Variants in PLEKHD1 observed in about 807,000 individuals in gnomAD.
PLEKHD1 encodes pleckstrin homology and coiled-coil domain containing D1.
In PLEKHD1, 51 loss-of-function variants were observed where a neutral mutation model predicts 69.2. The observed-to-expected ratio is 0.74, with a 90% CI of 0.59 to 0.93. The LOEUF (loss-of-function observed/expected upper bound fraction) is 0.93, where lower values mean the gene tolerates loss of function less well. PLEKHD1 is among the 40% of genes least tolerant of loss of function. The pLI, the probability that PLEKHD1 is intolerant of heterozygous loss-of-function variation, is 0.00. For missense variants in PLEKHD1, 584 were observed against 641.0 expected (o/e 0.91, Z 0.96); for synonymous variants, 236 against 244.7 (o/e 0.96, Z 0.33).
intron 1 of PLEKHD1, among the ~76,000 whole-genome samples, chr14:69,492,600 T>C (rs76943409): frequency 0.1 from 15,771 of 152,176 alleles, 1,087 homozygotes; most frequent in East Asian, 0.14. Context: ...CTATCCTAGC[T>C]CCCCCATTCC....
At chr14:69,490,278 A>G (rs949112489) in intron 1 of PLEKHD1, among the ~76,000 whole-genome samples, 1 of 152,224 alleles carries the variant, frequency 6.6e-6, no homozygotes, top group African/African-American at 2.4e-5. Context: ...ATCAGGCATT[A>G]GATTCTCATA....
chr14:69,468,227 A>C, the PLEKHD1 span, among the ~76,000 whole-genome samples: 1 of 151,734 alleles, frequency 6.6e-6, no homozygotes, highest in Non-Finnish European at 1.5e-5. Context: ...ATAACAGATT[A>C]GTTAAATTAT....
At chr14:69,503,691 A>G (rs1245896137) in intron 6 of PLEKHD1, 1 of 90,018 alleles carries the variant, frequency 1.1e-5, no homozygotes, top group Non-Finnish European at 2.0e-5. Context: ...ACTCCGTCTC[A>G]AAAAAAAAAA....
At chr14:69,501,699 T>C in intron 4 of PLEKHD1, 35 bp from the exon 5 acceptor site, 1 of 1,462,318 alleles carries the variant, frequency 6.8e-7, no homozygotes, top group South Asian at 1.2e-5. Context: ...TTTCTTCCTC[T>C]TCTCTCCTCT....
rs374998372 is a variant in PLEKHD1 at position 69,531,211 on chromosome 14, TTAAA to T, written c.*2794_*2797del. 267 of 152,476 alleles carry T rather than the reference TTAAA, an allele frequency of 1.8e-3. 1 individual carries two copies. Among genetic ancestry groups the T allele is most frequent in the African/African-American group, 6.2e-3 (258 of 41,566 alleles). The allele number at this position is 152,476 out of a possible 1,614,324, so 9.4% of individuals were successfully genotyped here. Reference sequence around the variant, plus strand: ...ATCCTGCAAACTACTGGGATAGTAATTAAATTTCAGTGTGAGTTTGGGAGGGAAC... The same window carrying T: ...ATCCTGCAAACTACTGGGATAGTAATTTTCAGTGTGAGTTTGGGAGGGAAC... On this transcript the variant is annotated 3_prime_UTR_variant, in exon 13 of 13. Coordinates refer to ENST00000322564, the MANE Select transcript of PLEKHD1 (RefSeq NM_001161498.2).
the PLEKHD1 span, among the ~76,000 whole-genome samples, chr14:69,477,842 G>A: frequency 6.6e-6 from 1 of 152,228 alleles, no homozygotes; most frequent in Admixed American, 6.5e-5. Context: ...TTCACTGGCT[G>A]GTGTTGAGTA....
chr14:69,502,889 C>T lies in PLEKHD1; in HGVS notation c.555+10C>T. 6.4e-7 allele frequency: 1 copy of T among 1,551,644 alleles called. No homozygotes were observed. Among genetic ancestry groups the T allele is most frequent in the Non-Finnish European group, 8.7e-7 (1 of 1,146,938 alleles). On this transcript the variant is annotated intron_variant, in intron 6 of 12. Transcript: ENST00000322564. ...GAGGGAGCAGAGAGAGGTAGGTGCA[C>T]ACCAAGGGGCTCTCAGCAGCCGTGG...
chr14:69,467,800 G>A, the PLEKHD1 span, among the ~76,000 whole-genome samples: 1 of 152,170 alleles, frequency 6.6e-6, no homozygotes, highest in Non-Finnish European at 1.5e-5. Flanking sequence ...GGGAGATGGA[G>A]TTTCAGGTGA....
Position 69,526,124 on chromosome 14 carries a change from T to C in PLEKHD1, c.923+2T>C, listed in dbSNP as rs1309351737. 6.5e-7 allele frequency: 1 copy of C among 1,548,586 alleles called. No individual in the cohort carries two copies. The highest frequency in any genetic ancestry group is 2.0e-5 in the Admixed American group (1 of 50,280). ...GGAGAAGCTCCTGGCAGAGAAGCGGTGAGGGAGCCCCGACCCCTGAAGACA... is the reference window on the plus strand; with the variant it reads ...GGAGAAGCTCCTGGCAGAGAAGCGGCGAGGGAGCCCCGACCCCTGAAGACA... On this transcript the variant is annotated splice_donor_variant, in intron 9 of 12. Coordinates refer to ENST00000322564, the MANE Select transcript of PLEKHD1 (RefSeq NM_001161498.2). LOFTEE classifies it high-confidence loss of function.
At chr14:69,521,845 GC>G (rs1193463151) in intron 6 of PLEKHD1, among the ~76,000 whole-genome samples, 2 of 152,130 alleles carry the variant, frequency 1.3e-5, no homozygotes, top group Non-Finnish European at 1.5e-5. Context: ...GTTGGGAATA[GC>G]TTTTCCTTGC....
chr14:69,514,016 T>C (rs573020537), intron 6 of PLEKHD1, among the ~76,000 whole-genome samples: 7 of 152,308 alleles, frequency 4.6e-5, no homozygotes, highest in Non-Finnish European at 2.9e-5. Context: ...AAGATATTTT[T>C]CCTCATCTTT....
Position 69,527,238 on chromosome 14 carries a change from A to T in PLEKHD1, c.1107A>T (p.Glu369Asp), listed in dbSNP as rs1883674862. ...TGGAGAGGCGTCTCCGGGAGGCAGAAGGGGCCTTGCGAAGCCTGGAACAGG... is the reference window on the plus strand; with the variant it reads ...TGGAGAGGCGTCTCCGGGAGGCAGATGGGGCCTTGCGAAGCCTGGAACAGG... ...MDLERRLREA[E>D]GALRSLEQGL... The change falls in exon 11 of 13, where the codon GAA (glutamate) becomes GAT (aspartate). Residue 369 changes from glutamate to aspartate, a missense_variant. Glu to Asp is a conservative substitution (Grantham distance 45, BLOSUM62 2). Coordinates refer to ENST00000322564, the MANE Select transcript of PLEKHD1 (RefSeq NM_001161498.2). The T allele has an allele frequency of 6.4e-7, 1 of 1,551,718 alleles. No individual in the cohort carries two copies. Among genetic ancestry groups the T allele is most frequent in the Non-Finnish European group, 8.7e-7 (1 of 1,146,976 alleles).
At chr14:69,485,307 C>T (rs931746508) in intron 1 of PLEKHD1, among the ~76,000 whole-genome samples, 193 bp downstream of exon 1, 4 of 152,232 alleles carry the variant, frequency 2.6e-5, no homozygotes, top group African/African-American at 9.6e-5. Context: ...AGATGGGGCC[C>T]CTGCCCTGGG....
chr14:69,497,615 G>A (rs1374451767), intron 1 of PLEKHD1, among the ~76,000 whole-genome samples: 3 of 152,248 alleles, frequency 2.0e-5, no homozygotes, highest in African/African-American at 4.8e-5. Context: ...GCAGGACCAC[G>A]CAAGTGTAGC....
Position 69,484,762 on chromosome 14 carries a change from C to G in PLEKHD1, c.-204C>G. 1 of 582,774 alleles carries G rather than the reference C, an allele frequency of 1.7e-6. No individual in the cohort carries two copies. The highest frequency in any genetic ancestry group is 2.9e-6 in the Non-Finnish European group (1 of 345,782). The allele number at this position is 582,774 out of a possible 1,614,324, so 36.1% of individuals were successfully genotyped here. On this transcript the variant is annotated 5_prime_UTR_variant, in exon 1 of 13. Coordinates refer to ENST00000322564, the MANE Select transcript of PLEKHD1 (RefSeq NM_001161498.2). ...GCCCGGCCCTCTGCAATCCGGAGCC[C>G]AAGCCGCCGGCTACGCGCCCTGCGC...
the PLEKHD1 span, among the ~76,000 whole-genome samples, chr14:69,475,002 T>C: frequency 2.8e-4 from 42 of 152,238 alleles, no homozygotes; most frequent in Non-Finnish European, 1.0e-4. Flanking sequence ...ATTATAGGTA[T>C]GAGCCACTGT....
intron 6 of PLEKHD1, among the ~76,000 whole-genome samples, chr14:69,511,918 T>C (rs1883280627): frequency 6.6e-6 from 1 of 152,202 alleles, no homozygotes; most frequent in Non-Finnish European, 1.5e-5. Context: ...ATTGAATGGA[T>C]TAGGAAATAT....
chr14:69,524,965 C>A lies in PLEKHD1; in HGVS notation c.744+643C>A, dbSNP rs1188230133. Among the ~76,000 whole-genome samples the A allele has an allele frequency of 5.3e-5, 8 of 152,102 alleles. No homozygotes were observed. The South Asian group carries it at 8.3e-4, about 16-fold the overall frequency. ...AAGCAAGCTCTTTCATGCTCCATAC[C>A]TTTTCCCACACTGTTCCTTCTACAC... On this transcript the variant is annotated intron_variant, in intron 8 of 12. Transcript: ENST00000322564.
rs374264313 is a variant in PLEKHD1 at position 69,500,551 on chromosome 14, G to T, written c.244-26G>T. On this transcript the variant is annotated intron_variant, in intron 2 of 12. Transcript: ENST00000322564. ...AGTGACCCCAGTTGGGTGGGGTGGG[G>T]GCTGCCTGTTCTGGTTCTTCCTCAG... is the stretch of plus-strand genomic sequence containing the variant. 1.1e-4 allele frequency: 161 copies of T among 1,532,656 alleles called. No individual in the cohort carries two copies. In the East Asian group the frequency reaches 3.6e-3, roughly 34 times the overall value. 94.9% of individuals were successfully genotyped at this position (1,532,656 alleles called of 1,614,324 possible).
Sources: gnomAD v4.1 joint callset for allele counts (sites outside exome capture counted in the v4.1 genomes callset) on GRCh38, gnomAD v4.1.1 for gene constraint, MANE v1.5 for transcripts, NCBI Gene and HGNC (gene_info 2026-07-23, HGNC 2026-07-21) for gene names.